Variants in OTUD5 observed in about 807,000 individuals in gnomAD.
OTUD5 encodes OTU deubiquitinase 5.
Under a neutral mutation model 36.3 loss-of-function variants are expected in OTUD5, and 2 were observed. That is an observed-to-expected ratio of 0.06 (90% CI 0.02 to 0.17). The LOEUF is 0.17. OTUD5 is among the 10% of genes least tolerant of loss of function. OTUD5 has a pLI of 1.00. For missense variants in OTUD5, 233 were observed against 512.3 expected, an observed-to-expected ratio of 0.45 and a Z score of 5.26; for synonymous variants, 234 against 214.9, an observed-to-expected ratio of 1.09 and a Z score of -0.78.
At chrX:48,951,121 T>A (rs1445949888) in intron 1 of OTUD5, among the ~76,000 whole-genome samples, 10 of 81,332 alleles carry the variant, frequency 1.2e-4, no homozygotes, top group African/African-American at 5.0e-4. Context: ...TATGGATGGA[T>A]GAGCTGCCAC....
chrX:48,950,852 G>A (rs782789168), intron 1 of OTUD5, among the ~76,000 whole-genome samples: 7 of 110,192 alleles, frequency 6.4e-5, no homozygotes, highest in African/African-American at 1.7e-4. Context: ...GTGAGCCACC[G>A]CACCCGGCCA....
intron 1 of OTUD5, among the ~76,000 whole-genome samples, chrX:48,956,720 G>A (rs782278694): frequency 1.4e-4 from 16 of 110,941 alleles, no homozygotes; most frequent in Non-Finnish European, 3.0e-4. Context: ...GAGGTCCCAG[G>A]GACTGGAATG....
chrX:48,945,045 A>G (rs1206850246), intron 1 of OTUD5, among the ~76,000 whole-genome samples: 2 of 108,630 alleles, frequency 1.8e-5, no homozygotes, highest in South Asian at 3.9e-4. Flanking sequence ...AAAGAGATAT[A>G]CTCTAGAAGG....
chrX:48,941,144 G>A (rs2063912366), intron 2 of OTUD5, among the ~76,000 whole-genome samples: 1 of 111,259 alleles, frequency 9.0e-6, no homozygotes, highest in Non-Finnish European at 1.9e-5. Flanking sequence ...TAAAAAGAAT[G>A]TGTCCTGGCC....
At chrX:48,945,104 G>C (rs1290503512) in intron 1 of OTUD5, among the ~76,000 whole-genome samples, 1 of 109,691 alleles carries the variant, frequency 9.1e-6, no homozygotes, top group African/African-American at 3.3e-5. Context: ...ACATTTAACA[G>C]ATATCTACAC....
upstream of OTUD5, chrX:48,958,147 TTCAG>T (rs782085077): frequency 7.1e-5 from 8 of 113,335 alleles, no homozygotes; most frequent in Non-Finnish European, 1.3e-4. Flanking sequence ...CGTCTCAAAT[TTCAG>T]TCAAAGTCGA....
intron 5 of OTUD5, among the ~76,000 whole-genome samples, chrX:48,927,168 C>A (rs1214991156): frequency 9.0e-6 from 1 of 111,459 alleles, no homozygotes; most frequent in African/African-American, 3.3e-5. Flanking sequence ...AAAAAATAGT[C>A]AAAAAATCTA....
In OTUD5 at chrX:48,945,968, A is replaced by G. The variant is rs1042851491; in HGVS notation, c.595-1685T>C. Among the ~76,000 whole-genome samples the G allele has an allele frequency of 2.7e-5, 3 of 111,460 alleles. No homozygotes were observed. In the Admixed American group the frequency reaches 2.9e-4, roughly 11 times the overall value. ...CCTCTGCTGGCTACCAGAAGCAGCCAGCCTGACCTAGCAACAAGGCTGCAA... is the reference window on the plus strand; with the variant it reads ...CCTCTGCTGGCTACCAGAAGCAGCCGGCCTGACCTAGCAACAAGGCTGCAA... On this transcript the variant is annotated intron_variant, in intron 1 of 8. Coordinates refer to ENST00000376488, the MANE Select transcript of OTUD5 (RefSeq NM_001136157.2).
At chrX:48,932,530 T>C (rs980687618) in intron 5 of OTUD5, among the ~76,000 whole-genome samples, 1 of 110,411 alleles carries the variant, frequency 9.1e-6, no homozygotes, top group African/African-American at 3.3e-5. Context: ...GGTTTCATCA[T>C]GTTGGCCAGG....
At chrX:48,944,849 C>A (rs1322987930) in intron 1 of OTUD5, among the ~76,000 whole-genome samples, 1 of 111,091 alleles carries the variant, frequency 9.0e-6, no homozygotes, top group African/African-American at 3.3e-5. Flanking sequence ...ATGGAGAAAC[C>A]CCGTCTCTAA....
chrX:48,949,332 T>A (rs1402817086), intron 1 of OTUD5, among the ~76,000 whole-genome samples: 1 of 111,700 alleles, frequency 9.0e-6, no homozygotes, highest in African/African-American at 3.3e-5. Context: ...CAGATCGCTT[T>A]GAGCTCAAGA....
At chrX:48,925,083 C>A (rs976689457) in intron 6 of OTUD5, among the ~76,000 whole-genome samples, 3 of 110,075 alleles carry the variant, frequency 2.7e-5, no homozygotes, top group Non-Finnish European at 5.7e-5. Context: ...TGGAGACCAT[C>A]CTGGCTAACA....
Position 48,934,491 on chromosome X carries a change from C to T in OTUD5, c.1032G>A (p.Gly344=). 1 of 1,210,269 alleles carries T rather than the reference C, an allele frequency of 8.3e-7. No homozygotes were observed. The highest frequency in any genetic ancestry group is 1.1e-6 in the Non-Finnish European group (1 of 894,478). Residue 344 remains glycine (G), a synonymous_variant, in exon 5 of 9, where the codon GGG becomes GGA. Transcript: ENST00000376488. ...CTGGTTTGAATGATGGCAGGCCCAGCCCCACACCAATGGTGGCCTTGTTAG... is the reference window on the plus strand; with the variant it reads ...CTGGTTTGAATGATGGCAGGCCCAGTCCCACACCAATGGTGGCCTTGTTAG... ...VNPNKATIGV[G]LGLPSFKPGF... is the part of the protein sequence containing the mutation.
intron 1 of OTUD5, among the ~76,000 whole-genome samples, chrX:48,948,577 T>C (rs188704336): frequency 9.0e-6 from 1 of 111,153 alleles, no homozygotes; most frequent in Non-Finnish European, 1.9e-5. Flanking sequence ...GTTTGGGTCC[T>C]GGGGCAGTCA....
At chrX:48,946,368 A>G (rs934380960) in intron 1 of OTUD5, among the ~76,000 whole-genome samples, 5 of 111,763 alleles carry the variant, frequency 4.5e-5, no homozygotes, top group Non-Finnish European at 9.4e-5. Context: ...GTTGTCGCCA[A>G]TCACAGAAGG....
At chrX:48,924,099 CCTT>C (rs1181646089) in intron 6 of OTUD5, 47 bp from the exon 7 acceptor site, 11 of 1,105,808 alleles carry the variant, frequency 9.9e-6, no homozygotes, top group Non-Finnish European at 1.3e-5. Flanking sequence ...GCAGCCATGA[CCTT>C]CTTGTGACCC....
chrX:48,948,209 C>T (rs1018810085), intron 1 of OTUD5, among the ~76,000 whole-genome samples: 2 of 111,734 alleles, frequency 1.8e-5, no homozygotes, highest in African/African-American at 3.3e-5. Flanking sequence ...ATTAGCAGGG[C>T]GTGGTGGCGT....
At position 48,923,041 on chromosome X, in the gene OTUD5, TGAG is replaced by T. The variant is rs782141574; in HGVS notation, c.*130_*132del. On this transcript the variant is annotated 3_prime_UTR_variant, in exon 9 of 9. Transcript: ENST00000376488. ...CAGGGGTGGGCTAGCCAGAGGGAAG[TGAG>T]GAGGAGGGAAAAGAGGGGAGAGCAG... 5.3e-5 allele frequency: 61 copies of T among 1,143,943 alleles called. No homozygotes were observed. In the Admixed American group the frequency reaches 1.1e-3, roughly 21 times the overall value. 94.3% of individuals were successfully genotyped at this position (1,143,943 alleles called of 1,213,427 possible). A position where few individuals can be genotyped will look rare whatever the true frequency, so the allele number is the denominator to read the frequency against.
intron 1 of OTUD5, among the ~76,000 whole-genome samples, chrX:48,952,180 T>C (rs923309860): frequency 1.8e-5 from 2 of 112,795 alleles, no homozygotes; most frequent in African/African-American, 6.4e-5. Flanking sequence ...GAACATATTA[T>C]GCTAAGTGAA....
Sources: gnomAD v4.1 joint callset for allele counts (sites outside exome capture counted in the v4.1 genomes callset) on GRCh38, gnomAD v4.1.1 for gene constraint, MANE v1.5 for transcripts, NCBI Gene and HGNC (gene_info 2026-07-23, HGNC 2026-07-21) for gene names.